TTYH1: variants seen among roughly 807,000 people sequenced by gnomAD.
TTYH1 encodes tweety family member 1, also known as protein tweety homolog 1.
A neutral mutation model predicts 61.2 loss-of-function variants in TTYH1; 33 were observed. That is an observed-to-expected ratio of 0.54 (90% CI 0.41 to 0.72). The LOEUF (loss-of-function observed/expected upper bound fraction) is 0.72, where lower values mean the gene tolerates loss of function less well. TTYH1 is among the 30% of genes least tolerant of loss of function. The probability of loss-of-function intolerance (pLI) is 0.00; values close to 1 mark genes in which losing one functional copy is unlikely to be tolerated. For missense variants in TTYH1, 538 were observed against 575.8 expected (o/e 0.93, Z 0.67); for synonymous variants, 308 against 266.4 (o/e 1.16, Z -1.52).
At chr19:54,435,728 G>T (rs1246564080) in intron 11 of TTYH1, 44 bp downstream of exon 11, 8 of 1,610,416 alleles carry the variant, frequency 5.0e-6, no homozygotes, top group Non-Finnish European at 6.8e-6. Context: ...GGAAGAGGAG[G>T]GGCAGCACCT....
Position 54,415,714 on chromosome 19 carries a change from G to C in TTYH1, c.126+36G>C. ...GCGCCAGGGCCTGGGGGCCAGGGCT[G>C]GGGGCCGGAGCTCCTGGGTCCCGAG... On this transcript the variant is annotated intron_variant, in intron 1 of 13. Transcript: ENST00000376530. The surrounding 1 kb of genome is among the most constrained non-coding windows in gnomAD (Gnocchi z 5.2). 1 of 1,502,236 alleles carries C rather than the reference G, an allele frequency of 6.7e-7. No individual in the cohort carries two copies. The highest frequency in any genetic ancestry group is 8.9e-7 in the Non-Finnish European group (1 of 1,127,598). The allele number at this position is 1,502,236 out of a possible 1,614,324, so 93.1% of individuals were successfully genotyped here. A position where few individuals can be genotyped will look rare whatever the true frequency, so the allele number is the denominator to read the frequency against.
In TTYH1 at chr19:54,415,831, G is replaced by A. The variant is rs2083066375; in HGVS notation, c.126+153G>A. ...GGGTTTCGGAGGGAGGAGGAGCCTGGGGGCGCCCATGCCTGGAGGTTCTCC... is the reference window on the plus strand; with the variant it reads ...GGGTTTCGGAGGGAGGAGGAGCCTGAGGGCGCCCATGCCTGGAGGTTCTCC... On this transcript the variant is annotated intron_variant, in intron 1 of 13. Transcript: ENST00000376530. The surrounding 1 kb of genome is among the most constrained non-coding windows in gnomAD (Gnocchi z 5.2). 1.0e-6 allele frequency: 1 copy of A among 969,308 alleles called. No individual in the cohort carries two copies. Among genetic ancestry groups the A allele is most frequent in the South Asian group, 2.0e-5 (1 of 50,926 alleles). The allele number at this position is 969,308 out of a possible 1,614,324, so 60.0% of individuals were successfully genotyped here.
At position 54,436,673 on chromosome 19, in the gene TTYH1, T is replaced by C. The variant is rs969323395; in HGVS notation, c.*383T>C. ...CTGATCTCAACTCGTGGCACTAACT[T>C]GGAAAAGGGTTGATTTAAAATAAAA... On this transcript the variant is annotated 3_prime_UTR_variant, in exon 14 of 14. Coordinates refer to ENST00000376530, the MANE Select transcript of TTYH1 (RefSeq NM_020659.4). The surrounding 1 kb of genome is among the most constrained non-coding windows in gnomAD (Gnocchi z 4.3). The C allele has an allele frequency of 5.9e-5, 29 of 488,492 alleles. No homozygotes were observed. The highest frequency in any genetic ancestry group is 5.4e-4 in the African/African-American group (28 of 51,938). 30.3% of individuals were successfully genotyped at this position (488,492 alleles called of 1,614,324 possible).
chr19:54,425,069 G>A (rs1029960387), intron 4 of TTYH1, among the ~76,000 whole-genome samples: 1 of 152,220 alleles, frequency 6.6e-6, no homozygotes, highest in African/African-American at 2.4e-5. Context: ...GAAGAGAACC[G>A]TGGAACCCAG....
At position 54,416,087 on chromosome 19, in the gene TTYH1, G is replaced by T. The variant is rs1278475533; in HGVS notation, c.126+409G>T. 1 of 1,304,370 alleles carries T rather than the reference G, an allele frequency of 7.7e-7. No homozygotes were observed. 80.8% of individuals were successfully genotyped at this position (1,304,370 alleles called of 1,614,324 possible). On this transcript the variant is annotated intron_variant, in intron 1 of 13. Coordinates refer to ENST00000376530, the MANE Select transcript of TTYH1 (RefSeq NM_020659.4). This position sits in a 1 kb window ranked among gnomAD's most constrained non-coding sequence, Gnocchi z 7.0. ...AGCAGGTGAATATGTCCCAGATAAG[G>T]TGGGACCCAGGAGACAGCGGACCTG...
In TTYH1 at chr19:54,422,299, G is replaced by A. The variant is rs201121658; in HGVS notation, c.527G>A (p.Arg176Gln). 29 of 1,565,794 alleles carry A rather than the reference G, an allele frequency of 1.9e-5. No individual in the cohort carries two copies. The East Asian group carries it at 5.6e-4, about 30-fold the overall frequency. Residue 176 changes from arginine to glutamine, a missense_variant, in exon 4 of 14, where the codon CGA (arginine) becomes CAA (glutamine). Physicochemically the swap from Arg to Gln is conservative, Grantham distance 43. Transcript: ENST00000376530. ...TELVAAARGA[R>Q]RQAEAAAQQL... Reference sequence around the variant, plus strand: ...CTGGTGGCTGCCGCCCGAGGGGCTCGACGGCAGGCGGAGGCTGCGGCCCAG... The same window carrying A: ...CTGGTGGCTGCCGCCCGAGGGGCTCAACGGCAGGCGGAGGCTGCGGCCCAG...
intron 10 of TTYH1, chr19:54,433,659 A>G (rs1234016015): frequency 6.6e-6 from 1 of 151,012 alleles, no homozygotes; most frequent in African/African-American, 2.4e-5. Context: ...GAACTCCTTG[A>G]GCTCAGGAGT....
At chr19:54,417,805 C>T (rs1474916556) in intron 1 of TTYH1, among the ~76,000 whole-genome samples, 1 of 152,036 alleles carries the variant, frequency 6.6e-6, no homozygotes, top group African/African-American at 2.4e-5. Flanking sequence ...CACACTCATC[C>T]ACACTGTTAC....
intron 4 of TTYH1, among the ~76,000 whole-genome samples, chr19:54,425,186 A>C (rs1289097631): frequency 1.3e-5 from 2 of 152,226 alleles, no homozygotes; most frequent in African/African-American, 4.8e-5. Context: ...TCCCTGGATC[A>C]CGAGCACAGT....
In TTYH1 at chr19:54,422,375, G is replaced by C; in HGVS notation, c.603G>C (p.Gln201His). The C allele has an allele frequency of 6.4e-7, 1 of 1,573,754 alleles. No individual in the cohort carries two copies. The change falls in exon 4 of 14, where the codon CAG becomes CAC. Residue 201 changes from glutamine to histidine, a missense_variant. Physicochemically the swap from Gln to His is conservative, Grantham distance 24 (BLOSUM62 0). Transcript: ENST00000376530. Reference protein sequence around the residue: ...FWQGVPLSPLQVAENVSFVEE... With the variant: ...FWQGVPLSPLHVAENVSFVEE... ...AGGGAGTGCCCCTGAGCCCCCTGCA[G>C]GTGGCTGAAAATGTGTCCTTTGTGG...
intron 1 of TTYH1, among the ~76,000 whole-genome samples, chr19:54,417,828 G>A (rs1437100202): frequency 1.3e-5 from 2 of 151,692 alleles, no homozygotes; most frequent in Non-Finnish European, 2.9e-5. Context: ...ACACACAACC[G>A]GACCCACTCA....
rs45477994 is a variant in TTYH1, at chr19:54,426,685, C to T, written c.651C>T (p.Tyr217=). ...TCTCCCCTCCCAGGTGGCTGGCCTA[C>T]GTCCTCCTGCTGCTCCTGGAGCTGC... ...SFVEEYRWLA[Y]VLLLLLELLV... The change falls in exon 5 of 14, where the codon TAC becomes TAT. Residue 217 remains tyrosine (Y), a synonymous_variant. Transcript: ENST00000376530. The T allele has an allele frequency of 0.19, 301,347 of 1,612,986 alleles. 29,337 individuals are homozygous for T. The highest frequency in any genetic ancestry group is 0.26 in the Middle Eastern group (1,552 of 5,908).
rs2083391601 is a variant in TTYH1, at chr19:54,429,501, G to A, written c.807+122G>A. The stretch of plus-strand genomic sequence containing the variant: ...AATTGGGGGGCACGATCACAGCTCT[G>A]AGGTTTAGGGCTTGTTTCCTGGGGC... On this transcript the variant is annotated intron_variant, in intron 6 of 13. Coordinates refer to ENST00000376530, the MANE Select transcript of TTYH1 (RefSeq NM_020659.4). The surrounding 1 kb of genome is among the most constrained non-coding windows in gnomAD (Gnocchi z 5.1). 1 of 901,010 alleles carries A rather than the reference G, an allele frequency of 1.1e-6. No homozygotes were observed. The highest frequency in any genetic ancestry group is 1.8e-6 in the Non-Finnish European group (1 of 570,964). The allele number at this position is 901,010 out of a possible 1,614,324, so 55.8% of individuals were successfully genotyped here.
At chr19:54,423,621 G>T (rs535329169) in intron 4 of TTYH1, among the ~76,000 whole-genome samples, 175 of 152,296 alleles carry the variant, frequency 1.1e-3, no homozygotes, top group Middle Eastern at 3.4e-3. Context: ...TGTGAAATGG[G>T]AATCGGGGCA....
At chr19:54,427,452 A>T (rs2122912884) in intron 5 of TTYH1, among the ~76,000 whole-genome samples, 1 of 149,956 alleles carries the variant, frequency 6.7e-6, no homozygotes, top group East Asian at 2.0e-4. Context: ...AAAAATACAA[A>T]AATTAGCCGG....
At chr19:54,424,749 T>C (rs1188160319) in intron 4 of TTYH1, among the ~76,000 whole-genome samples, 2 of 152,190 alleles carry the variant, frequency 1.3e-5, no homozygotes, top group Non-Finnish European at 2.9e-5. Context: ...CAAGGGAGTC[T>C]TGCTGGAGGG....
At position 54,420,252 on chromosome 19, in the gene TTYH1, G is replaced by A. The variant is rs559859393; in HGVS notation, c.305+946G>A. ...GACGGGGGGTCCCAGAGGGCCAGAC[G>A]CCTGCCCCGGACCCACAGCGGGCAA... On this transcript the variant is annotated intron_variant, in intron 2 of 13. Transcript: ENST00000376530. This position sits in a 1 kb window ranked among gnomAD's most constrained non-coding sequence, Gnocchi z 4.8. 9.9e-5 allele frequency among the ~76,000 whole-genome samples: 15 copies of A among 152,280 alleles called. No homozygotes were observed. The highest frequency in any genetic ancestry group is 2.1e-4 in the South Asian group (1 of 4,828).
intron 7 of TTYH1, 42 bp from the exon 8 acceptor site, chr19:54,430,508 C>A: frequency 2.5e-6 from 4 of 1,606,408 alleles, no homozygotes; most frequent in Non-Finnish European, 3.4e-6. Context: ...TCCCTGGGGG[C>A]CCAGGCTCAT....
chr19:54,421,797 G>T lies in TTYH1; in HGVS notation c.418-393G>T, dbSNP rs1003493335. Among the ~76,000 whole-genome samples, 1 of 152,114 alleles carries T rather than the reference G, an allele frequency of 6.6e-6. No homozygotes were observed. The highest frequency in any genetic ancestry group is 2.4e-5 in the African/African-American group (1 of 41,422). Reference sequence around the variant, plus strand: ...CAGCTCCAGGATTCTGGGCCCTGGGGCTGAGGCCTGGCCCCACTTCATGCC... The same window carrying T: ...CAGCTCCAGGATTCTGGGCCCTGGGTCTGAGGCCTGGCCCCACTTCATGCC... On this transcript the variant is annotated intron_variant, in intron 3 of 13. Transcript: ENST00000376530. This position sits in a 1 kb window ranked among gnomAD's most constrained non-coding sequence, Gnocchi z 4.8.
Sources: gnomAD v4.1 joint callset for allele counts (sites outside exome capture counted in the v4.1 genomes callset) on GRCh38, gnomAD v4.1.1 for gene constraint, Gnocchi (gnomAD v3.1) non-coding constraint, MANE v1.5 for transcripts, NCBI Gene and HGNC (gene_info 2026-07-23, HGNC 2026-07-21) for gene names.